The following TTC27 variants were observed in gnomAD, a reference collection of about 807,000 sequenced individuals.
The protein encoded by TTC27 is tetratricopeptide repeat domain 27, also known as tetratricopeptide repeat protein 27.
In TTC27, 79 loss-of-function variants were observed where a neutral mutation model predicts 115.9. That is an observed-to-expected ratio of 0.68 (90% CI 0.57 to 0.82). The LOEUF is 0.82. TTC27 is among the 40% of genes least tolerant of loss of function. The probability of loss-of-function intolerance (pLI) is 0.00; values close to 1 mark genes in which losing one functional copy is unlikely to be tolerated. For synonymous variants in TTC27, 401 were observed against 356.0 expected (o/e 1.13, Z -1.42); for missense variants, 1,054 against 993.1 (o/e 1.06, Z -0.82).
intron 16 of TTC27, among the ~76,000 whole-genome samples, chr2:32,793,001 A>G (rs1670587259): frequency 6.6e-6 from 1 of 152,300 alleles, no homozygotes; most frequent in Middle Eastern, 3.4e-3. Context: ...GGTGAGAAAT[A>G]GGGTTGGGAC....
chr2:32,643,348 C>T (rs535592306), intron 4 of TTC27, among the ~76,000 whole-genome samples: 26 of 152,134 alleles, frequency 1.7e-4, no homozygotes, highest in Admixed American at 1.4e-3. Flanking sequence ...CTCTGTTGCC[C>T]AGGCTGAAGT....
intron 10 of TTC27, among the ~76,000 whole-genome samples, chr2:32,728,701 T>A (rs1308912445): frequency 2.0e-5 from 3 of 152,208 alleles, no homozygotes; most frequent in Non-Finnish European, 4.4e-5. Flanking sequence ...CTTATGACTT[T>A]GGGCAAGTCA....
At chr2:32,815,879 T>C (rs1482256050) in intron 18 of TTC27, among the ~76,000 whole-genome samples, 3 of 152,210 alleles carry the variant, frequency 2.0e-5, no homozygotes, top group Admixed American at 6.5e-5. Context: ...AATGTCAAAG[T>C]CTAATTATTA....
intron 12 of TTC27, among the ~76,000 whole-genome samples, chr2:32,742,670 G>GGT (rs1437006125): frequency 2.6e-5 from 4 of 152,134 alleles, no homozygotes; most frequent in Admixed American, 6.5e-5. Flanking sequence ...GGTTGTTCTT[G>GGT]GTGAGAGGGA....
In TTC27 at chr2:32,658,016, A is replaced by G. The variant is rs562631399; in HGVS notation, c.641-6287A>G. On this transcript the variant is annotated intron_variant, in intron 5 of 19. Transcript: ENST00000317907. ...AGCTAATTTTGTATTTTTGGTAGAG[A>G]CAGGGTTTCACCATGTTGGCCAGAC... Among the ~76,000 whole-genome samples, 6 of 152,268 alleles carry G rather than the reference A, an allele frequency of 3.9e-5. No homozygotes were observed. The East Asian group carries it at 1.2e-3, about 29-fold the overall frequency.
intron 12 of TTC27, among the ~76,000 whole-genome samples, chr2:32,748,255 G>A (rs1233716105): frequency 1.3e-5 from 2 of 151,964 alleles, no homozygotes; most frequent in African/African-American, 4.8e-5. Context: ...AATTCCTTTT[G>A]TTATTGATTT....
chr2:32,695,834 G>A (rs1356125714), intron 9 of TTC27, among the ~76,000 whole-genome samples: 2 of 151,592 alleles, frequency 1.3e-5, no homozygotes, highest in Non-Finnish European at 2.9e-5. Flanking sequence ...AACCCAGGAG[G>A]TGGAGGTTGC....
At chr2:32,709,326 C>T (rs895535742) in intron 10 of TTC27, among the ~76,000 whole-genome samples, 1 of 152,138 alleles carries the variant, frequency 6.6e-6, no homozygotes, top group African/African-American at 2.4e-5. Flanking sequence ...GCAAACACTA[C>T]CATAACCTTG....
At chr2:32,674,154 CTTT>C (rs1296988706) in intron 8 of TTC27, among the ~76,000 whole-genome samples, 2 of 142,450 alleles carry the variant, frequency 1.4e-5, no homozygotes, top group Non-Finnish European at 1.5e-5. Context: ...AAATCTTGTT[CTTT>C]TTTTTTTTTT....
intron 3 of TTC27, among the ~76,000 whole-genome samples, chr2:32,638,900 T>C (rs1344836877): frequency 1.3e-5 from 2 of 152,024 alleles, no homozygotes; most frequent in Non-Finnish European, 2.9e-5. Context: ...TGGCACAATC[T>C]GGGCTCACTG....
chr2:32,708,339 T>G, intron 10 of TTC27, among the ~76,000 whole-genome samples: 1 of 138,868 alleles, frequency 7.2e-6, no homozygotes, highest in Non-Finnish European at 1.5e-5. Context: ...TGAGATGGAG[T>G]CTCATTCTGT....
chr2:32,638,782 T>C (rs1664523330), intron 3 of TTC27, among the ~76,000 whole-genome samples: 1 of 152,244 alleles, frequency 6.6e-6, no homozygotes, highest in African/African-American at 2.4e-5. Context: ...GTGGCATTAC[T>C]TGGATTGTTT....
At chr2:32,716,936 C>T (rs1204788464) in intron 10 of TTC27, among the ~76,000 whole-genome samples, 2 of 151,850 alleles carry the variant, frequency 1.3e-5, no homozygotes, top group Non-Finnish European at 2.9e-5. Context: ...TCAAGCAGTC[C>T]TCCAGCCTTA....
At chr2:32,819,459 C>G (rs1276481494) in intron 19 of TTC27, among the ~76,000 whole-genome samples, 1 of 152,080 alleles carries the variant, frequency 6.6e-6, no homozygotes, top group Non-Finnish European at 1.5e-5. Flanking sequence ...GTTTGTCAAA[C>G]TGAATTGCAT....
intron 13 of TTC27, among the ~76,000 whole-genome samples, chr2:32,772,999 C>G (rs114783463): frequency 2.1e-3 from 320 of 152,346 alleles, no homozygotes; most frequent in African/African-American, 7.2e-3. Context: ...TCTTTCTCCT[C>G]TATCACACTC....
At chr2:32,670,021 C>G (rs966688892) in intron 7 of TTC27, among the ~76,000 whole-genome samples, 5 of 151,628 alleles carry the variant, frequency 3.3e-5, no homozygotes, top group Non-Finnish European at 7.4e-5. Context: ...GAGACTACAG[C>G]CACATGCCAC....
chr2:32,795,725 G>GTATTATTATTATTATTATTAT (rs3081615), intron 16 of TTC27, among the ~76,000 whole-genome samples: 8,967 of 138,564 alleles, frequency 0.065, 364 homozygotes, highest in South Asian at 0.11. Context: ...GCTAATTTTT[G>GTATTATTATTATTATTATTAT]TATTATTATT....
chr2:32,756,533 G>A (rs573602988), intron 12 of TTC27, among the ~76,000 whole-genome samples: 1 of 152,286 alleles, frequency 6.6e-6, no homozygotes, highest in South Asian at 2.1e-4. Flanking sequence ...TACACAACCT[G>A]AACTATATCA....
At chr2:32,761,871 CA>C (rs2147997570) in intron 13 of TTC27, among the ~76,000 whole-genome samples, 1 of 151,814 alleles carries the variant, frequency 6.6e-6, no homozygotes, top group East Asian at 1.9e-4. Flanking sequence ...ATCAGATATT[CA>C]ATAAATATTT....
Sources: gnomAD v4.1 joint callset for allele counts (sites outside exome capture counted in the v4.1 genomes callset) on GRCh38, gnomAD v4.1.1 for gene constraint, MANE v1.5 for transcripts, NCBI Gene and HGNC (gene_info 2026-07-23, HGNC 2026-07-21) for gene names.